The following CCDC73 variants were observed in gnomAD, a reference collection of about 807,000 sequenced individuals.
The protein encoded by CCDC73 is coiled-coil domain-containing protein 73.
A neutral mutation model predicts 116.5 loss-of-function variants in CCDC73; 95 were observed. That is an observed-to-expected ratio of 0.82 (90% CI 0.69 to 0.97). The LOEUF is 0.97. Ranked by LOEUF, CCDC73 falls within the 50% of genes least tolerant of loss-of-function variation. The probability of loss-of-function intolerance (pLI) is 0.00; values close to 1 mark genes in which losing one functional copy is unlikely to be tolerated. For missense variants in CCDC73, 1,066 were observed against 1,206.8 expected (o/e 0.88, Z 1.73); for synonymous variants, 398 against 401.3 (o/e 0.99, Z 0.10).
intron 12 of CCDC73, among the ~76,000 whole-genome samples, chr11:32,647,835 A>C (rs1236676306): frequency 1.3e-5 from 2 of 152,152 alleles, no homozygotes; most frequent in Admixed American, 1.3e-4. Context: ...CTCAAAAAAA[A>C]AAAAAAAGCC....
chr11:32,797,623 T>A (rs2133414052), upstream of CCDC73, among the ~76,000 whole-genome samples: 1 of 152,342 alleles, frequency 6.6e-6, no homozygotes, highest in Non-Finnish European at 1.5e-5. Flanking sequence ...CCCTTGCAAT[T>A]GTCTGTATAC....
chr11:32,819,163 AT>A, the CCDC73 span, among the ~76,000 whole-genome samples: 31 of 148,948 alleles, frequency 2.1e-4, no homozygotes, highest in East Asian at 5.9e-4. Context: ...TAGGACAGTG[AT>A]TTTTTTTTTT....
intron 12 of CCDC73, among the ~76,000 whole-genome samples, chr11:32,644,817 G>T (rs1855762703): frequency 6.6e-6 from 1 of 152,104 alleles, no homozygotes; most frequent in African/African-American, 2.4e-5. Flanking sequence ...GGCTTTTGTA[G>T]AATGCCCTAT....
chr11:32,739,974 A>G (rs1219453848), intron 2 of CCDC73, among the ~76,000 whole-genome samples: 1 of 151,968 alleles, frequency 6.6e-6, no homozygotes, highest in Non-Finnish European at 1.5e-5. Context: ...TTGATATGCT[A>G]TATCACATTG....
At chr11:32,618,237 C>T (rs1277922625) in intron 14 of CCDC73, among the ~76,000 whole-genome samples, 1 of 152,146 alleles carries the variant, frequency 6.6e-6, no homozygotes, top group Non-Finnish European at 1.5e-5. Flanking sequence ...TGTAGTATTC[C>T]ATGGTGTATA....
At chr11:32,807,036 T>C in the CCDC73 span, among the ~76,000 whole-genome samples, 2 of 152,188 alleles carry the variant, frequency 1.3e-5, no homozygotes, top group Non-Finnish European at 2.9e-5. Context: ...CCTGAGCTTC[T>C]ACAGCCCTTC....
intron 14 of CCDC73, 99 bp downstream of exon 14, chr11:32,635,597 T>A: frequency 9.1e-7 from 1 of 1,093,594 alleles, no homozygotes; most frequent in Non-Finnish European, 1.2e-6. Flanking sequence ...CTCATTTTTT[T>A]AAAGTTGAGA....
chr11:32,777,408 A>T (rs1356533288), intron 1 of CCDC73, among the ~76,000 whole-genome samples: 1 of 152,006 alleles, frequency 6.6e-6, no homozygotes, highest in Non-Finnish European at 1.5e-5. Flanking sequence ...CCCAGCCATC[A>T]CTGTGTAACC....
At chr11:32,715,385 G>A (rs1201805242) in intron 3 of CCDC73, among the ~76,000 whole-genome samples, 1 of 151,952 alleles carries the variant, frequency 6.6e-6, no homozygotes, top group Non-Finnish European at 1.5e-5. Flanking sequence ...GTTTTTCCAC[G>A]TTGGTGTGTT....
intron 2 of CCDC73, among the ~76,000 whole-genome samples, chr11:32,745,611 T>C (rs1163937963): frequency 2.0e-5 from 3 of 152,230 alleles, no homozygotes; most frequent in Non-Finnish European, 2.9e-5. Flanking sequence ...ATATTTAGGA[T>C]AGTTAGCTCT....
At chr11:32,680,497 G>C (rs1055061657) in intron 7 of CCDC73, 3 of 152,022 alleles carry the variant, frequency 2.0e-5, no homozygotes, top group Admixed American at 2.0e-4. Context: ...ATCTATGAAA[G>C]TCAAGATTAG....
intron 12 of CCDC73, among the ~76,000 whole-genome samples, chr11:32,643,581 A>G (rs1240003941): frequency 3.9e-5 from 6 of 152,170 alleles, no homozygotes; most frequent in African/African-American, 1.4e-4. Context: ...CAATTGTAAC[A>G]CAATAGTATT....
At chr11:32,741,201 C>G (rs1412032894) in intron 2 of CCDC73, among the ~76,000 whole-genome samples, 1 of 151,816 alleles carries the variant, frequency 6.6e-6, no homozygotes, top group East Asian at 2.0e-4. Flanking sequence ...GTCTACAGTA[C>G]AGATTAAGTC....
At chr11:32,753,686 G>A (rs529610135) in intron 2 of CCDC73, among the ~76,000 whole-genome samples, 35 of 152,026 alleles carry the variant, frequency 2.3e-4, no homozygotes, top group African/African-American at 7.2e-4. Context: ...GGCTGGTCTC[G>A]AACTCCTGAC....
chr11:32,756,607 C>T (rs1298811872), intron 2 of CCDC73, among the ~76,000 whole-genome samples: 1 of 150,620 alleles, frequency 6.6e-6, no homozygotes, highest in African/African-American at 2.4e-5. Flanking sequence ...TAGTCATTAC[C>T]CTTAAAATTT....
chr11:32,660,953 ATGACT>A (rs1319851725), intron 9 of CCDC73, among the ~76,000 whole-genome samples: 2 of 152,220 alleles, frequency 1.3e-5, no homozygotes, highest in African/African-American at 4.8e-5. Flanking sequence ...AGGTGAAGTA[ATGACT>A]TAATATAAAC....
chr11:32,763,721 C>T (rs1053863940), intron 1 of CCDC73, among the ~76,000 whole-genome samples: 17 of 152,218 alleles, frequency 1.1e-4, no homozygotes, highest in Non-Finnish European at 1.6e-4. Context: ...CCCCCTCCAA[C>T]GGAACGCAGC....
At chr11:32,750,334 G>A (rs1218743709) in intron 2 of CCDC73, among the ~76,000 whole-genome samples, 1 of 152,134 alleles carries the variant, frequency 6.6e-6, no homozygotes, top group Non-Finnish European at 1.5e-5. Flanking sequence ...GCCTGCTATA[G>A]CCACTACCTG....
chr11:32,676,071 GC>G, intron 7 of CCDC73, 50 bp from the exon 8 acceptor site: 1 of 1,406,678 alleles, frequency 7.1e-7, no homozygotes, highest in Non-Finnish European at 9.5e-7. Flanking sequence ...CACACACATC[GC>G]CACACACAAC....
Sources: gnomAD v4.1 joint callset for allele counts (sites outside exome capture counted in the v4.1 genomes callset) on GRCh38, gnomAD v4.1.1 for gene constraint, MANE v1.5 for transcripts, NCBI Gene and HGNC (gene_info 2026-07-23, HGNC 2026-07-21) for gene names.